PFKP: variants seen among roughly 807,000 people sequenced by gnomAD.
PFKP encodes the protein phosphofructokinase, platelet, also known as ATP-dependent 6-phosphofructokinase, platelet type.
Under a neutral mutation model 94.3 loss-of-function variants are expected in PFKP, and 101 were observed. The observed-to-expected ratio is 1.07, with a 90% CI of 0.91 to 1.26. The LOEUF (loss-of-function observed/expected upper bound fraction) is 1.26, where lower values mean the gene tolerates loss of function less well. Among genes scored for constraint, PFKP ranks in the 50% most tolerant of loss-of-function variants. The pLI is 0.00. For missense variants in PFKP, 1,145 were observed against 1,103.3 expected, an observed-to-expected ratio of 1.04 and a Z score of -0.53; for synonymous variants, 573 against 432.6, an observed-to-expected ratio of 1.32 and a Z score of -4.03.
intron 2 of PFKP, among the ~76,000 whole-genome samples, chr10:3,091,636 G>A (rs1040145631): frequency 9.9e-5 from 15 of 152,154 alleles, no homozygotes; most frequent in Non-Finnish European, 1.3e-4. Context: ...CCAACATGAC[G>A]AAACTCCGTC....
intron 2 of PFKP, among the ~76,000 whole-genome samples, chr10:3,083,973 T>C (rs779517731): frequency 2.6e-5 from 4 of 152,252 alleles, no homozygotes. Context: ...ACATACTGTC[T>C]TGTTGAATTG....
At chr10:3,102,023 G>A (rs528975887) in intron 4 of PFKP, among the ~76,000 whole-genome samples, 29 of 150,568 alleles carry the variant, frequency 1.9e-4, no homozygotes, top group African/African-American at 2.9e-4. Context: ...AGGCCGAGGC[G>A]GGCGGATCAC....
At chr10:3,092,019 GT>G (rs1564285490) in intron 2 of PFKP, among the ~76,000 whole-genome samples, 1 of 152,136 alleles carries the variant, frequency 6.6e-6, no homozygotes, top group Non-Finnish European at 1.5e-5. Context: ...AGGATAAAGG[GT>G]GTTGGTACAG....
Position 3,108,711 on chromosome 10 carries a change from C to T in PFKP, c.881C>T (p.Thr294Met), listed in dbSNP as rs556560338. 6.2e-6 allele frequency: 10 copies of T among 1,613,458 alleles called. No individual in the cohort carries two copies. The highest frequency in any genetic ancestry group is 5.0e-5 in the Admixed American group (3 of 60,020). Reference protein sequence around the residue: ...TSEKIKELVVTQLGYDTRVTI... With the variant: ...TSEKIKELVVMQLGYDTRVTI... ...GATGTTTCCTTGCAGCTTGTCGTCACGCAGCTGGGCTATGACACACGTGTG... is the reference window on the plus strand; with the variant it reads ...GATGTTTCCTTGCAGCTTGTCGTCATGCAGCTGGGCTATGACACACGTGTG... Residue 294 changes from threonine to methionine, a missense_variant, in exon 9 of 22, where the codon ACG becomes ATG. Around this residue, in one of 3 missense-constraint regions of PFKP, gnomAD observed 1,119 missense variants for 1,062.8 expected, o/e 1.05. Transcript: ENST00000381125.
intron 1 of PFKP, among the ~76,000 whole-genome samples, chr10:3,079,990 G>A (rs1482629279): frequency 6.6e-6 from 1 of 152,042 alleles, no homozygotes; most frequent in Non-Finnish European, 1.5e-5. Flanking sequence ...GAATCAGGTG[G>A]GAGGCAAGCC....
chr10:3,087,851 C>G (rs548649400), intron 2 of PFKP, among the ~76,000 whole-genome samples: 4 of 152,234 alleles, frequency 2.6e-5, no homozygotes, highest in African/African-American at 9.6e-5. Flanking sequence ...AACATAAATT[C>G]TCATGGACCC....
chr10:3,081,998 T>G (rs1007096267), intron 1 of PFKP, among the ~76,000 whole-genome samples: 28 of 145,642 alleles, frequency 1.9e-4, no homozygotes, highest in African/African-American at 7.2e-4. Context: ...TTTTTTTTTT[T>G]TTTTTTTTTT....
intron 13 of PFKP, among the ~76,000 whole-genome samples, chr10:3,115,049 TG>T (rs1239492249): frequency 6.6e-6 from 1 of 152,136 alleles, no homozygotes; most frequent in Non-Finnish European, 1.5e-5. Context: ...GGAGGGCAGA[TG>T]GGGTTTGCTT....
intron 4 of PFKP, among the ~76,000 whole-genome samples, chr10:3,102,755 G>A (rs1318469247): frequency 6.6e-6 from 1 of 152,216 alleles, no homozygotes; most frequent in Non-Finnish European, 1.5e-5. Context: ...ATATGACCAG[G>A]GAAGCATATT....
chr10:3,091,655 G>A (rs76646282), intron 2 of PFKP, among the ~76,000 whole-genome samples: 4,290 of 152,188 alleles, frequency 0.028, 73 homozygotes, highest in Middle Eastern at 0.044. Context: ...TCTCTACTAA[G>A]AACACAACAG....
Position 3,133,555 on chromosome 10 carries a change from C to T in PFKP, c.2022+241C>T, listed in dbSNP as rs538877717. On this transcript the variant is annotated intron_variant, in intron 19 of 21. Coordinates refer to ENST00000381125, the MANE Select transcript of PFKP (RefSeq NM_002627.5). The stretch of plus-strand genomic sequence containing the variant: ...AAGTGATTCTCCTGCATCAGCCTCC[C>T]GAGGAGATGGCAGTATAGGCACCCA... 1.3e-4 allele frequency among the ~76,000 whole-genome samples: 20 copies of T among 152,310 alleles called. No homozygotes were observed. The South Asian group carries it at 2.5e-3, about 19-fold the overall frequency.
chr10:3,136,130 G>C (rs1839274289), intron 21 of PFKP, among the ~76,000 whole-genome samples: 1 of 152,152 alleles, frequency 6.6e-6, no homozygotes, highest in African/African-American at 2.4e-5. Flanking sequence ...CAGGCATGGT[G>C]ATGCACACCT....
intron 6 of PFKP, 38 bp downstream of exon 6, chr10:3,105,197 G>A: frequency 6.3e-7 from 1 of 1,591,516 alleles, no homozygotes; most frequent in African/African-American, 1.3e-5. Context: ...CGCGGTTCAG[G>A]TGGGGGACCC....
At position 3,092,377 on chromosome 10, in the gene PFKP, A is replaced by G. The variant is rs113262511; in HGVS notation, c.187-6898A>G. 2.6e-3 allele frequency among the ~76,000 whole-genome samples: 391 copies of G among 152,264 alleles called. 2 individuals carry two copies. Among genetic ancestry groups the G allele is most frequent in the African/African-American group, 9.1e-3 (379 of 41,546 alleles). ...GAGGATGTAGATAGCAGAGGCTGGGAAGGGGGTGTGGACAGGAGGGGATGC... is the reference window on the plus strand; with the variant it reads ...GAGGATGTAGATAGCAGAGGCTGGGGAGGGGGTGTGGACAGGAGGGGATGC... On this transcript the variant is annotated intron_variant, in intron 2 of 21. Transcript: ENST00000381125.
At chr10:3,093,318 T>A (rs966745953) in intron 2 of PFKP, among the ~76,000 whole-genome samples, 10 of 152,350 alleles carry the variant, frequency 6.6e-5, no homozygotes, top group Middle Eastern at 3.4e-3. Flanking sequence ...CTTTGATGTT[T>A]TAAACATAAC....
At chr10:3,114,688 CAG>C (rs1477734763) in intron 13 of PFKP, among the ~76,000 whole-genome samples, 8 of 152,276 alleles carry the variant, frequency 5.3e-5, no homozygotes, top group Middle Eastern at 6.8e-3. Context: ...ATGGGGCCCT[CAG>C]GGGACACTCA....
At chr10:3,107,992 T>C (rs766026270) in intron 8 of PFKP, 2 of 1,289,764 alleles carry the variant, frequency 1.6e-6, no homozygotes, top group South Asian at 1.2e-5. Context: ...TTCTTTATTG[T>C]GCTTTGTTAT....
intron 2 of PFKP, 88 bp from the exon 3 acceptor site, chr10:3,099,187 C>A: frequency 9.5e-7 from 1 of 1,057,302 alleles, no homozygotes; most frequent in Non-Finnish European, 1.5e-6. Flanking sequence ...CATTCACTGT[C>A]ATTTTTCCCG....
At chr10:3,115,608 C>CTCAGCTGAGGACAGGACT (rs1398826606) in intron 13 of PFKP, among the ~76,000 whole-genome samples, 1 of 152,106 alleles carries the variant, frequency 6.6e-6, no homozygotes, top group East Asian at 1.9e-4. Flanking sequence ...GTGTGTGTCC[C>CTCAGCTGAGGACAGGACT]GTGGCCAAGA....
Sources: gnomAD v4.1 joint callset for allele counts (sites outside exome capture counted in the v4.1 genomes callset) on GRCh38, gnomAD v4.1.1 for gene constraint, gnomAD v4.1.1 regional missense constraint, MANE v1.5 for transcripts, NCBI Gene and HGNC (gene_info 2026-07-23, HGNC 2026-07-21) for gene names.